TMEM132D: variants seen among roughly 807,000 people sequenced by gnomAD.
TMEM132D encodes the protein mature OL transmembrane protein.
In TMEM132D, 21 loss-of-function variants were observed where a neutral mutation model predicts 62.3. The observed-to-expected ratio is 0.34, with a 90% CI of 0.24 to 0.49. The LOEUF is 0.49. Among genes scored for constraint, TMEM132D ranks in the 20% least tolerant of loss-of-function variants. The pLI, the probability that TMEM132D is intolerant of heterozygous loss-of-function variation, is 0.99. For synonymous variants in TMEM132D, 621 were observed against 575.6 expected, an observed-to-expected ratio of 1.08 and a Z score of -1.13; for missense variants, 1,346 against 1,402.8, an observed-to-expected ratio of 0.96 and a Z score of 0.65.
chr12:129,543,812 A>T (rs140577460), intron 2 of TMEM132D, among the ~76,000 whole-genome samples: 71 of 152,326 alleles, frequency 4.7e-4, no homozygotes, highest in Admixed American at 1.1e-3. Context: ...GCATTTATAG[A>T]TCCACTGCAT....
At chr12:129,517,754 T>A (rs1190338258) in intron 3 of TMEM132D, among the ~76,000 whole-genome samples, 1 of 152,220 alleles carries the variant, frequency 6.6e-6, no homozygotes, top group Non-Finnish European at 1.5e-5. Flanking sequence ...TAAGCCCATC[T>A]CAAGGTCATT....
intron 4 of TMEM132D, among the ~76,000 whole-genome samples, chr12:129,254,717 G>T (rs890619487): frequency 2.6e-5 from 4 of 152,110 alleles, no homozygotes; most frequent in Non-Finnish European, 5.9e-5. Flanking sequence ...CACAGGCACC[G>T]CCAAGGCACA....
At chr12:129,153,796 T>C (rs372279402) in intron 5 of TMEM132D, among the ~76,000 whole-genome samples, 4 of 152,090 alleles carry the variant, frequency 2.6e-5, no homozygotes. Flanking sequence ...AATGGCTTGC[T>C]GGGGTGGCGG....
At chr12:129,095,008 A>T (rs1436595197) in intron 5 of TMEM132D, among the ~76,000 whole-genome samples, 1 of 145,276 alleles carries the variant, frequency 6.9e-6, no homozygotes, top group Non-Finnish European at 1.5e-5. Flanking sequence ...CAGGAAGGGG[A>T]ACATCACACA....
At chr12:129,250,482 C>A (rs1205524790) in intron 4 of TMEM132D, among the ~76,000 whole-genome samples, 2 of 152,158 alleles carry the variant, frequency 1.3e-5, no homozygotes. Context: ...TCCTCAACAG[C>A]GCCAATCCTT....
intron 4 of TMEM132D, among the ~76,000 whole-genome samples, chr12:129,224,980 T>A (rs1435688205): frequency 6.6e-6 from 1 of 152,172 alleles, no homozygotes; most frequent in Non-Finnish European, 1.5e-5. Flanking sequence ...TTAGAGACAT[T>A]ATATAAAATA....
At chr12:129,195,039 T>C (rs1385790320) in intron 5 of TMEM132D, among the ~76,000 whole-genome samples, 2 of 152,026 alleles carry the variant, frequency 1.3e-5, no homozygotes, top group Non-Finnish European at 2.9e-5. Flanking sequence ...CTTGTAGAGG[T>C]GGACAATGAA....
chr12:129,154,214 G>A (rs1241087055), intron 5 of TMEM132D, among the ~76,000 whole-genome samples: 2 of 152,112 alleles, frequency 1.3e-5, no homozygotes, highest in African/African-American at 4.8e-5. Flanking sequence ...CAGCTCAGTG[G>A]GACACAGCTC....
At chr12:129,191,466 G>T (rs1301839930) in intron 5 of TMEM132D, among the ~76,000 whole-genome samples, 1 of 151,376 alleles carries the variant, frequency 6.6e-6, no homozygotes, top group Admixed American at 6.6e-5. Context: ...CTATATATAT[G>T]AAACTATTAT....
In TMEM132D at chr12:129,393,663, G is replaced by A. The variant is rs1267413165; in HGVS notation, c.1116-55846C>T. 3.3e-5 allele frequency among the ~76,000 whole-genome samples: 5 copies of A among 152,118 alleles called. No individual in the cohort carries two copies. In the South Asian group the frequency reaches 6.2e-4, roughly 19 times the overall value. On this transcript the variant is annotated intron_variant, in intron 3 of 8. Coordinates refer to ENST00000422113, the MANE Select transcript of TMEM132D (RefSeq NM_133448.3). ...CCCCTAAGAAACTTTTCAAAAACTC[G>A]TCCTGAAAAGTCCTGAGTGGCTTCC...
In TMEM132D at chr12:129,112,527, G is replaced by A. The variant is rs188544370; in HGVS notation, c.1444-27825C>T. On this transcript the variant is annotated intron_variant, in intron 5 of 8. Coordinates refer to ENST00000422113, the MANE Select transcript of TMEM132D (RefSeq NM_133448.3). ...AAATATAAAAAATTAGCCGGGTATG[G>A]TGGCACATGCCTGTAATTCCAGCTA... Among the ~76,000 whole-genome samples the A allele has an allele frequency of 6.0e-3, 918 of 152,294 alleles. 8 individuals carry two copies. The highest frequency in any genetic ancestry group is 0.021 in the African/African-American group (872 of 41,560).
chr12:129,665,780 A>C (rs1880362248), intron 2 of TMEM132D, among the ~76,000 whole-genome samples: 2 of 152,198 alleles, frequency 1.3e-5, no homozygotes, highest in Non-Finnish European at 2.9e-5. Flanking sequence ...CTAGGCACAT[A>C]GTAGACGCTT....
intron 5 of TMEM132D, among the ~76,000 whole-genome samples, chr12:129,108,215 C>T (rs1323849438): frequency 6.6e-6 from 1 of 152,200 alleles, no homozygotes; most frequent in Non-Finnish European, 1.5e-5. Context: ...GTCCTTACAT[C>T]ACACACAGAC....
In TMEM132D at chr12:129,371,638, G is replaced by T. The variant is rs1013742744; in HGVS notation, c.1116-33821C>A. ...GATGATGATGGTGGTGATGGTGATG[G>T]TGGTGGTGATGGTGATGGTTATGAT... On this transcript the variant is annotated intron_variant, in intron 3 of 8. Transcript: ENST00000422113. The surrounding 1 kb of genome is among the most constrained non-coding windows in gnomAD (Gnocchi z 4.3). Among the ~76,000 whole-genome samples the T allele has an allele frequency of 2.4e-4, 37 of 151,794 alleles. No individual in the cohort carries two copies. The highest frequency in any genetic ancestry group is 1.2e-3 in the Admixed American group (18 of 15,220).
intron 1 of TMEM132D, among the ~76,000 whole-genome samples, chr12:129,839,746 G>A (rs537331521): frequency 7.2e-5 from 11 of 152,338 alleles, no homozygotes; most frequent in African/African-American, 1.4e-4. Flanking sequence ...TCACTTGGAA[G>A]ACCTGAAGGG....
intron 1 of TMEM132D, among the ~76,000 whole-genome samples, chr12:129,738,315 G>GA (rs1334134180): frequency 6.6e-6 from 1 of 151,430 alleles, no homozygotes; most frequent in Non-Finnish European, 1.5e-5. Flanking sequence ...TTGCAGGAGG[G>GA]AAAAAAAGGA....
intron 2 of TMEM132D, among the ~76,000 whole-genome samples, chr12:129,629,317 T>C (rs1189785360): frequency 2.0e-5 from 3 of 152,228 alleles, no homozygotes; most frequent in Non-Finnish European, 4.4e-5. Context: ...GGTGGCACTT[T>C]CCAGAATTAT....
At chr12:129,593,810 C>T (rs539766870) in intron 2 of TMEM132D, among the ~76,000 whole-genome samples, 43 of 151,594 alleles carry the variant, frequency 2.8e-4, no homozygotes, top group Non-Finnish European at 3.7e-4. Context: ...TCAAACGTCA[C>T]GGGGAACTTA....
chr12:129,398,834 TCATCCATCCATC>T lies in TMEM132D; in HGVS notation c.1116-61029_1116-61018del, dbSNP rs138005852. Among the ~76,000 whole-genome samples the T allele has an allele frequency of 1.0e-2, 713 of 71,324 alleles. 10 individuals are homozygous for T. Among genetic ancestry groups the T allele is most frequent in the African/African-American group, 0.037 (654 of 17,692 alleles). 46.8% of individuals were successfully genotyped at this position (71,324 alleles called of 152,430 possible). The stretch of plus-strand genomic sequence containing the variant: ...AGACAATGCATATCTATTTATGTAT[TCATCCATCCATC>T]CATCCATCCATCCATCCATCCATCC... On this transcript the variant is annotated intron_variant, in intron 3 of 8. Transcript: ENST00000422113.
Sources: gnomAD v4.1 joint callset for allele counts (sites outside exome capture counted in the v4.1 genomes callset) on GRCh38, gnomAD v4.1.1 for gene constraint, Gnocchi (gnomAD v3.1) non-coding constraint, MANE v1.5 for transcripts, NCBI Gene and HGNC (gene_info 2026-07-23, HGNC 2026-07-21) for gene names.